The following KCNIP4 variants were observed in gnomAD, a reference collection of about 807,000 sequenced individuals.
KCNIP4 encodes the protein potassium voltage-gated channel interacting protein 4, also known as Kv channel-interacting protein 4.
A neutral mutation model predicts 34.0 loss-of-function variants in KCNIP4; 12 were observed. That is an observed-to-expected ratio of 0.35 (90% CI 0.23 to 0.57). The LOEUF is 0.57. KCNIP4 is among the 20% of genes least tolerant of loss of function. The pLI, the probability that KCNIP4 is intolerant of heterozygous loss-of-function variation, is 0.83. For missense variants in KCNIP4, 238 were observed against 311.7 expected (o/e 0.76, Z 1.78); for synonymous variants, 124 against 102.2 (o/e 1.21, Z -1.29).
intron 1 of KCNIP4, among the ~76,000 whole-genome samples, chr4:21,221,063 A>T (rs1757947682): frequency 6.6e-6 from 1 of 152,162 alleles, no homozygotes; most frequent in Non-Finnish European, 1.5e-5. Flanking sequence ...TAAATAATTC[A>T]TCGTTCATTC....
rs571372612 is a variant in KCNIP4 at position 21,444,682 on chromosome 4, A to C, written c.61+503889T>G. On this transcript the variant is annotated intron_variant, in intron 1 of 8. Coordinates refer to ENST00000382152, the MANE Select transcript of KCNIP4 (RefSeq NM_025221.6). ...ATAGCCAATATCATACTGAATGGGC[A>C]AAAACTGGAAGCATTCCCTTTGAAA... Among the ~76,000 whole-genome samples the C allele has an allele frequency of 2.0e-5, 3 of 152,338 alleles. No homozygotes were observed. In the South Asian group the frequency reaches 6.2e-4, roughly 32 times the overall value.
intron 1 of KCNIP4, among the ~76,000 whole-genome samples, chr4:21,778,274 G>A (rs188064815): frequency 4.5e-4 from 48 of 107,334 alleles, no homozygotes; most frequent in African/African-American, 1.2e-3. Context: ...TCACTCTTTC[G>A]CCCAGGCTGG....
At chr4:21,302,160 C>T (rs1182678131) in intron 1 of KCNIP4, among the ~76,000 whole-genome samples, 1 of 152,048 alleles carries the variant, frequency 6.6e-6, no homozygotes, top group Non-Finnish European at 1.5e-5. Flanking sequence ...GCTTTGAATT[C>T]AAGCAATAAT....
intron 1 of KCNIP4, among the ~76,000 whole-genome samples, chr4:21,656,313 G>T (rs1577771608): frequency 6.6e-6 from 1 of 152,166 alleles, no homozygotes; most frequent in Non-Finnish European, 1.5e-5. Flanking sequence ...ATTGGATTAA[G>T]GGCCCATATT....
intron 1 of KCNIP4, chr4:21,613,295 A>G (rs1252840599): frequency 6.6e-6 from 1 of 152,142 alleles, no homozygotes; most frequent in African/African-American, 2.4e-5. Context: ...TTATCAAAGA[A>G]ATTTTAGCTT....
chr4:21,715,045 T>C (rs1393207896), intron 1 of KCNIP4, among the ~76,000 whole-genome samples: 1 of 35,560 alleles, frequency 2.8e-5, no homozygotes, highest in Non-Finnish European at 3.9e-5. Context: ...TTTTATTTTA[T>C]TTTATTTTAT....
intron 1 of KCNIP4, among the ~76,000 whole-genome samples, chr4:21,736,881 A>G (rs1716028489): frequency 6.6e-6 from 1 of 152,204 alleles, no homozygotes; most frequent in Non-Finnish European, 1.5e-5. Context: ...AAATATGGTC[A>G]GCTAGAACAG....
chr4:21,053,024 C>T (rs551165386), intron 1 of KCNIP4, among the ~76,000 whole-genome samples: 1 of 150,988 alleles, frequency 6.6e-6, no homozygotes, highest in African/African-American at 2.5e-5. Context: ...CACACACACA[C>T]ATACACACAC....
chr4:21,608,160 T>C (rs1049044718), intron 1 of KCNIP4, among the ~76,000 whole-genome samples: 5 of 152,174 alleles, frequency 3.3e-5, no homozygotes, highest in African/African-American at 1.2e-4. Flanking sequence ...CCCTCTGTAT[T>C]CTTCCACAAC....
intron 1 of KCNIP4, among the ~76,000 whole-genome samples, chr4:21,151,438 G>GT (rs1752754608): frequency 1.9e-5 from 1 of 52,972 alleles, no homozygotes; most frequent in African/African-American, 7.6e-5. Context: ...TTTTTTTGCT[G>GT]TTCTGGAGCC....
chr4:21,254,445 A>C (rs1427324500), intron 1 of KCNIP4, among the ~76,000 whole-genome samples: 1 of 152,214 alleles, frequency 6.6e-6, no homozygotes, highest in Non-Finnish European at 1.5e-5. Context: ...CTGCAGACCT[A>C]CAGACTCATA....
chr4:21,495,336 T>C (rs2109871635), intron 1 of KCNIP4, among the ~76,000 whole-genome samples: 1 of 152,306 alleles, frequency 6.6e-6, no homozygotes, highest in African/African-American at 2.4e-5. Context: ...GCAGAACAGC[T>C]AGCAGATTCC....
intron 1 of KCNIP4, among the ~76,000 whole-genome samples, chr4:21,827,021 T>C (rs573035310): frequency 6.6e-6 from 1 of 152,194 alleles, no homozygotes; most frequent in Admixed American, 6.5e-5. Context: ...ATAAATGATG[T>C]GTAGAGTTAC....
chr4:21,373,450 T>C (rs1720683438), intron 1 of KCNIP4, among the ~76,000 whole-genome samples: 1 of 147,312 alleles, frequency 6.8e-6, no homozygotes, highest in Non-Finnish European at 1.5e-5. Flanking sequence ...CTTACAGAAG[T>C]TTGTGTTGTA....
intron 1 of KCNIP4, among the ~76,000 whole-genome samples, chr4:21,155,912 A>AT (rs1189541862): frequency 2.0e-5 from 3 of 152,090 alleles, no homozygotes; most frequent in Admixed American, 2.0e-4. Context: ...TATTTTCTAT[A>AT]TTGTACACTT....
intron 1 of KCNIP4, among the ~76,000 whole-genome samples, chr4:21,689,737 G>A (rs370532309): frequency 6.6e-6 from 1 of 152,100 alleles, no homozygotes; most frequent in Non-Finnish European, 1.5e-5. Flanking sequence ...TGATGATATA[G>A]AACGATGAAA....
At chr4:21,616,516 C>T (rs1283208913) in intron 1 of KCNIP4, among the ~76,000 whole-genome samples, 3 of 152,188 alleles carry the variant, frequency 2.0e-5, no homozygotes, top group Non-Finnish European at 4.4e-5. Context: ...GCTGTCGTAA[C>T]AAATTACCAC....
chr4:21,427,741 C>A (rs1726058225), intron 1 of KCNIP4, among the ~76,000 whole-genome samples: 1 of 152,130 alleles, frequency 6.6e-6, no homozygotes, highest in South Asian at 2.1e-4. Context: ...ACATGATAGG[C>A]ATAAGAACTG....
At chr4:21,222,615 ATTAT>A (rs1459090331) in intron 1 of KCNIP4, among the ~76,000 whole-genome samples, 7 of 152,286 alleles carry the variant, frequency 4.6e-5, no homozygotes, top group African/African-American at 1.7e-4. Context: ...TCTTTAGAAT[ATTAT>A]TTACTTAAAC....
Sources: allele counts gnomAD v4.1 joint callset (sites outside exome capture counted in the v4.1 genomes callset), GRCh38; gene constraint gnomAD v4.1.1; transcripts MANE v1.5; gene names NCBI Gene and HGNC (gene_info 2026-07-23, HGNC 2026-07-21).